Variants in AGBL1 observed in about 807,000 individuals in gnomAD.
AGBL1 encodes the protein cytosolic carboxypeptidase 4.
A neutral mutation model predicts 118.9 loss-of-function variants in AGBL1; 130 were observed. That is an observed-to-expected ratio of 1.09 (90% CI 0.95 to 1.26). The LOEUF is 1.26. AGBL1 is among the 50% of genes most tolerant of loss of function. The probability of loss-of-function intolerance (pLI) is 0.00; values close to 1 mark genes in which losing one functional copy is unlikely to be tolerated. For synonymous variants in AGBL1, 555 were observed against 478.9 expected, an observed-to-expected ratio of 1.16 and a Z score of -2.08; for missense variants, 1,584 against 1,298.1, an observed-to-expected ratio of 1.22 and a Z score of -3.38.
intron 22 of AGBL1, among the ~76,000 whole-genome samples, chr15:86,715,869 T>C (rs1230019536): frequency 6.6e-6 from 1 of 151,876 alleles, no homozygotes; most frequent in Non-Finnish European, 1.5e-5. Context: ...CCATCCTGGC[T>C]AACATGGTGA....
intron 21 of AGBL1, among the ~76,000 whole-genome samples, chr15:86,565,749 C>A (rs926309539): frequency 1.3e-5 from 2 of 152,246 alleles, no homozygotes; most frequent in Non-Finnish European, 1.5e-5. Context: ...CAGAGGCAGG[C>A]AGGCCTCCTT....
At chr15:87,005,999 C>T (rs1420487211) in intron 24 of AGBL1, among the ~76,000 whole-genome samples, 2 of 152,202 alleles carry the variant, frequency 1.3e-5, no homozygotes, top group Non-Finnish European at 2.9e-5. Flanking sequence ...GCAGAGGCTG[C>T]AGAACAGCAA....
At chr15:86,719,028 G>A (rs7167575) in intron 22 of AGBL1, among the ~76,000 whole-genome samples, 121,432 of 152,000 alleles carry the variant, frequency 0.8, 48,657 homozygotes, top group East Asian at 0.93. Flanking sequence ...CCCCCATTCA[G>A]TAGTCTCCCT....
intron 21 of AGBL1, among the ~76,000 whole-genome samples, chr15:86,610,823 T>C (rs2084645285): frequency 6.6e-6 from 1 of 152,212 alleles, no homozygotes; most frequent in Admixed American, 6.5e-5. Context: ...TTCTTGCCTT[T>C]TGTCTTTCAT....
intron 5 of AGBL1, among the ~76,000 whole-genome samples, chr15:86,162,659 A>G (rs918182500): frequency 1.3e-5 from 2 of 152,200 alleles, no homozygotes; most frequent in Non-Finnish European, 2.9e-5. Flanking sequence ...GCTAGTGGGA[A>G]CAGTTATGGT....
At chr15:86,994,091 A>G (rs2081357059) in intron 24 of AGBL1, among the ~76,000 whole-genome samples, 1 of 152,184 alleles carries the variant, frequency 6.6e-6, no homozygotes, top group African/African-American at 2.4e-5. Context: ...ACTCAACTTC[A>G]GTCCTATGGA....
intron 22 of AGBL1, among the ~76,000 whole-genome samples, chr15:86,690,081 A>G (rs1009762966): frequency 5.9e-5 from 9 of 152,158 alleles, no homozygotes; most frequent in African/African-American, 2.2e-4. Flanking sequence ...TTTCTGAGCC[A>G]CAGAAATGGA....
intron 18 of AGBL1, among the ~76,000 whole-genome samples, chr15:86,479,150 A>G (rs2082609071): frequency 6.6e-6 from 1 of 152,200 alleles, no homozygotes; most frequent in African/African-American, 2.4e-5. Flanking sequence ...CCTAGGCAAT[A>G]CCATTCAGGA....
rs898307153 is a variant in AGBL1 at position 87,017,692 on chromosome 15, GAATC to G, written c.3324-11130_3324-11127del. Among the ~76,000 whole-genome samples the G allele has an allele frequency of 2.7e-4, 41 of 152,166 alleles. 1 individual carries two copies. The highest frequency in any genetic ancestry group is 4.3e-4 in the Non-Finnish European group (29 of 67,994). The stretch of plus-strand genomic sequence containing the variant: ...TAGTTAACCCCACAAAGATGAGAAA[GAATC>G]AACACAAAAACCCTGAAAACCCAAA... On this transcript the variant is annotated intron_variant, in intron 24 of 24. Coordinates refer to the AGBL1 transcript ENST00000441037.
At chr15:86,790,397 G>T (rs2078475056) in intron 22 of AGBL1, among the ~76,000 whole-genome samples, 2 of 150,810 alleles carry the variant, frequency 1.3e-5, no homozygotes, top group African/African-American at 4.9e-5. Flanking sequence ...CACACACACA[G>T]TCCTGTATCT....
chr15:86,329,125 C>A (rs75651624), intron 17 of AGBL1, among the ~76,000 whole-genome samples: 5 of 152,194 alleles, frequency 3.3e-5, no homozygotes, highest in African/African-American at 1.2e-4. Flanking sequence ...CAGCCAGGGC[C>A]ATCTTGGCAG....
At chr15:86,337,632 G>A (rs1196385450) in intron 17 of AGBL1, among the ~76,000 whole-genome samples, 2 of 152,070 alleles carry the variant, frequency 1.3e-5, no homozygotes, top group African/African-American at 4.8e-5. Context: ...CACATGTTCC[G>A]ACTTATAAGT....
intron 22 of AGBL1, among the ~76,000 whole-genome samples, chr15:86,721,726 G>T (rs2086724966): frequency 6.6e-6 from 1 of 152,200 alleles, no homozygotes. Context: ...GTCCCTGTTT[G>T]CAGATGACAT....
chr15:86,507,846 A>G (rs1596202466), intron 18 of AGBL1, among the ~76,000 whole-genome samples: 1 of 152,096 alleles, frequency 6.6e-6, no homozygotes, highest in African/African-American at 2.4e-5. Context: ...AAGATTTGCT[A>G]TTAAACAGGA....
intron 22 of AGBL1, among the ~76,000 whole-genome samples, chr15:86,705,796 G>C (rs1322938961): frequency 6.6e-6 from 1 of 152,090 alleles, no homozygotes; most frequent in Non-Finnish European, 1.5e-5. Context: ...ACATCAAGGT[G>C]TCTCTAGTGC....
chr15:86,410,805 T>TAG (rs200247050), intron 18 of AGBL1, among the ~76,000 whole-genome samples: 12,977 of 55,914 alleles, frequency 0.23, 2,113 homozygotes, highest in East Asian at 0.53. Context: ...AGGTCAAATG[T>TAG]AGATATATAT....
chr15:86,188,037 G>A (rs1001304979), intron 5 of AGBL1, among the ~76,000 whole-genome samples: 8 of 152,244 alleles, frequency 5.3e-5, no homozygotes, highest in East Asian at 3.9e-4. Flanking sequence ...AAGTTTTTTC[G>A]TCTCTCAAAT....
At chr15:86,719,072 A>C (rs994776057) in intron 22 of AGBL1, among the ~76,000 whole-genome samples, 19 of 152,290 alleles carry the variant, frequency 1.2e-4, no homozygotes, top group African/African-American at 4.3e-4. Flanking sequence ...GTTCATGGGA[A>C]TGGCTCTCTG....
chr15:86,254,890 C>T (rs1337739778), intron 7 of AGBL1, among the ~76,000 whole-genome samples: 1 of 152,162 alleles, frequency 6.6e-6, no homozygotes, highest in Non-Finnish European at 1.5e-5. Flanking sequence ...AAGTATTTCC[C>T]CTACAGTGCA....
Sources: allele counts gnomAD v4.1 joint callset (sites outside exome capture counted in the v4.1 genomes callset), GRCh38; gene constraint gnomAD v4.1.1; transcripts MANE v1.5; gene names NCBI Gene and HGNC (gene_info 2026-07-23, HGNC 2026-07-21).